Variants in CCDC50 observed in about 807,000 individuals in gnomAD.
The protein encoded by CCDC50 is coiled-coil domain containing 50.
A neutral mutation model predicts 70.2 loss-of-function variants in CCDC50; 54 were observed. The observed-to-expected ratio is 0.77, with a 90% CI of 0.62 to 0.96. The LOEUF (loss-of-function observed/expected upper bound fraction) is 0.96, where lower values mean the gene tolerates loss of function less well. Ranked by LOEUF, CCDC50 falls within the 50% of genes least tolerant of loss-of-function variation. CCDC50 has a pLI of 0.00. For missense variants in CCDC50, 558 were observed against 578.7 expected, an observed-to-expected ratio of 0.96 and a Z score of 0.37; for synonymous variants, 216 against 198.8, an observed-to-expected ratio of 1.09 and a Z score of -0.73.
chr3:191,340,176 G>A (rs1358823920), intron 1 of CCDC50, among the ~76,000 whole-genome samples: 3 of 152,178 alleles, frequency 2.0e-5, no homozygotes, highest in East Asian at 3.8e-4. Context: ...AGGACATGAG[G>A]CTCTGATTTG....
chr3:191,347,995 T>C lies in CCDC50; in HGVS notation c.50-9093T>C, dbSNP rs113336178. Among the ~76,000 whole-genome samples the C allele has an allele frequency of 6.1e-3, 868 of 142,648 alleles. 89 individuals carry two copies. The highest frequency in any genetic ancestry group is 0.02 in the African/African-American group (814 of 39,992). 93.6% of individuals were successfully genotyped at this position (142,648 alleles called of 152,430 possible). A position where few individuals can be genotyped will look rare whatever the true frequency, so the allele number is the denominator to read the frequency against. On this transcript the variant is annotated intron_variant, in intron 1 of 11. Coordinates refer to ENST00000392455, the MANE Select transcript of CCDC50 (RefSeq NM_178335.3). ...GAGATAAAATGATCCATAATATTTT[T>C]CTTGCCTTTCAGGATCTAGAATATA...
chr3:191,377,828 A>G (rs915104333), intron 6 of CCDC50, among the ~76,000 whole-genome samples: 1 of 152,146 alleles, frequency 6.6e-6, no homozygotes, highest in African/African-American at 2.4e-5. Flanking sequence ...AGAAAAAGAC[A>G]AGGAAATGTG....
In CCDC50 at chr3:191,370,038, T is replaced by C; in HGVS notation, c.448+2T>C. 7.0e-5 allele frequency: 97 copies of C among 1,393,128 alleles called. No individual in the cohort carries two copies. The highest frequency in any genetic ancestry group is 8.6e-5 in the Non-Finnish European group (84 of 979,452). The allele number at this position is 1,393,128 out of a possible 1,614,324, so 86.3% of individuals were successfully genotyped here. A position where few individuals can be genotyped will look rare whatever the true frequency, so the allele number is the denominator to read the frequency against. On this transcript the variant is annotated splice_donor_variant, in intron 5 of 11. Coordinates refer to ENST00000392455, the MANE Select transcript of CCDC50 (RefSeq NM_178335.3). LOFTEE classifies it high-confidence loss of function. ...ATAGTTACTATTATGAAGATGGAGGTAACAATTCCTGCATCATGATCTATT... is the reference window on the plus strand; with the variant it reads ...ATAGTTACTATTATGAAGATGGAGGCAACAATTCCTGCATCATGATCTATT...
chr3:191,334,825 C>T (rs1307841795), intron 1 of CCDC50, among the ~76,000 whole-genome samples: 1 of 152,020 alleles, frequency 6.6e-6, no homozygotes, highest in East Asian at 1.9e-4. Context: ...AAGGCTTTTT[C>T]TGAGGATAGT....
intron 1 of CCDC50, among the ~76,000 whole-genome samples, chr3:191,340,054 A>G (rs921586135): frequency 5.9e-5 from 9 of 152,256 alleles, no homozygotes; most frequent in African/African-American, 1.9e-4. Flanking sequence ...TAATACTTGT[A>G]TCCAAAAGAC....
At chr3:191,381,280 C>G (rs143135560) in intron 9 of CCDC50, among the ~76,000 whole-genome samples, 133 of 152,240 alleles carry the variant, frequency 8.7e-4, no homozygotes, top group Non-Finnish European at 1.4e-3. Flanking sequence ...CCACAATGAA[C>G]TTCTCTTCCC....
rs578078868 is a variant in CCDC50, at chr3:191,347,952, G to T, written c.50-9136G>T. Among the ~76,000 whole-genome samples the T allele has an allele frequency of 2.0e-4, 28 of 142,280 alleles. 4 individuals carry two copies. The South Asian group carries it at 5.5e-3, about 28-fold the overall frequency. 93.3% of individuals were successfully genotyped at this position (142,280 alleles called of 152,430 possible). A position where few individuals can be genotyped will look rare whatever the true frequency, so the allele number is the denominator to read the frequency against. ...ATTTATTTGAAAGTCACTATCCTGGGCACTGGGATAAATGTTGGAGATAAA... is the reference window on the plus strand; with the variant it reads ...ATTTATTTGAAAGTCACTATCCTGGTCACTGGGATAAATGTTGGAGATAAA... On this transcript the variant is annotated intron_variant, in intron 1 of 11. Transcript: ENST00000392455.
In CCDC50 at chr3:191,351,496, A is replaced by G. The variant is rs925050608; in HGVS notation, c.50-5592A>G. Among the ~76,000 whole-genome samples the G allele has an allele frequency of 2.1e-5, 3 of 141,526 alleles. No homozygotes were observed. In the Admixed American group the frequency reaches 2.2e-4, roughly 10 times the overall value. 92.8% of individuals were successfully genotyped at this position (141,526 alleles called of 152,430 possible). On this transcript the variant is annotated intron_variant, in intron 1 of 11. Transcript: ENST00000392455. Reference sequence around the variant, plus strand: ...AAGGAGAACAAGTAGTTCTGCTTCAAAGTTCATAGAATGCTCCTACAGTTA... The same window carrying G: ...AAGGAGAACAAGTAGTTCTGCTTCAGAGTTCATAGAATGCTCCTACAGTTA...
At chr3:191,344,570 CTTTT>C (rs1024689710) in intron 1 of CCDC50, among the ~76,000 whole-genome samples, 1 of 151,648 alleles carries the variant, frequency 6.6e-6, no homozygotes, top group African/African-American at 2.4e-5. Flanking sequence ...ATGTCATTTC[CTTTT>C]GTTTGTTTGT....
chr3:191,341,173 G>C (rs1023521438), intron 1 of CCDC50, among the ~76,000 whole-genome samples: 2 of 152,148 alleles, frequency 1.3e-5, no homozygotes, highest in Non-Finnish European at 2.9e-5. Flanking sequence ...CTAGATCTAT[G>C]TTAATCAGTG....
Position 191,396,743 on chromosome 3 carries a change from T to C in CCDC50, c.*4983T>C, listed in dbSNP as rs570825805. The C allele has an allele frequency of 5.9e-5, 9 of 152,298 alleles. No homozygotes were observed. Among genetic ancestry groups the C allele is most frequent in the South Asian group, 2.1e-4 (1 of 4,830 alleles). 9.4% of individuals were successfully genotyped at this position (152,298 alleles called of 1,614,324 possible). ...AAGAGTGTTTCTGTTTTATTACTTA[T>C]AAGAGAAAAGCAGGAAAACTTTTGC... On this transcript the variant is annotated 3_prime_UTR_variant, in exon 12 of 12. Transcript: ENST00000392455.
chr3:191,353,469 A>T (rs1712170269), intron 1 of CCDC50, among the ~76,000 whole-genome samples: 1 of 141,554 alleles, frequency 7.1e-6, no homozygotes, highest in Non-Finnish European at 1.6e-5. Flanking sequence ...AGATGAGTGT[A>T]TGCCGTTTAT....
rs35277025 is a variant in CCDC50, at chr3:191,384,710, G to GTT, written c.1322+1892_1322+1893dup. ...TTAGATTCTGGGGATACATGTGTAG[G>GTT]TTTTTTTTACAAGGGTATATTGTGT... On this transcript the variant is annotated intron_variant, in intron 10 of 11. Transcript: ENST00000392455. Among the ~76,000 whole-genome samples the GTT allele has an allele frequency of 1.6e-4, 24 of 151,756 alleles. No individual in the cohort carries two copies. In the South Asian group the frequency reaches 2.5e-3, roughly 16 times the overall value.
Position 191,352,024 on chromosome 3 carries a change from T to C in CCDC50, c.50-5064T>C, listed in dbSNP as rs754809671. ...TTAAGGTTTCTTGATACACGGTTTC[T>C]TGATACATTCTGTTTAAATCACCCC... On this transcript the variant is annotated intron_variant, in intron 1 of 11. Transcript: ENST00000392455. Among the ~76,000 whole-genome samples the C allele has an allele frequency of 2.5e-4, 36 of 142,656 alleles. 6 individuals carry two copies. Among genetic ancestry groups the C allele is most frequent in the Non-Finnish European group, 2.4e-4 (15 of 63,162 alleles). 93.6% of individuals were successfully genotyped at this position (142,656 alleles called of 152,430 possible).
chr3:191,345,831 G>A (rs935814451), intron 1 of CCDC50, among the ~76,000 whole-genome samples: 4 of 152,098 alleles, frequency 2.6e-5, no homozygotes, highest in Non-Finnish European at 2.9e-5. Context: ...ATGATTCTTC[G>A]CAGTGTGTTT....
At position 191,349,387 on chromosome 3, in the gene CCDC50, A is replaced by G. The variant is rs552430267; in HGVS notation, c.50-7701A>G. 4.6e-4 allele frequency among the ~76,000 whole-genome samples: 66 copies of G among 142,224 alleles called. 5 individuals carry two copies. The highest frequency in any genetic ancestry group is 1.6e-3 in the African/African-American group (65 of 39,904). The allele number at this position is 142,224 out of a possible 152,430, so 93.3% of individuals were successfully genotyped here. Reference sequence around the variant, plus strand: ...GTCATTAATATATCTTAGACACATGAGTCTAAAATTGAACAATATCTTCTC... The same window carrying G: ...GTCATTAATATATCTTAGACACATGGGTCTAAAATTGAACAATATCTTCTC... On this transcript the variant is annotated intron_variant, in intron 1 of 11. Coordinates refer to ENST00000392455, the MANE Select transcript of CCDC50 (RefSeq NM_178335.3).
intron 1 of CCDC50, among the ~76,000 whole-genome samples, chr3:191,335,948 A>G (rs1189095617): frequency 7.0e-6 from 1 of 142,746 alleles, no homozygotes; most frequent in Non-Finnish European, 1.5e-5. Flanking sequence ...CCCACCAGCC[A>G]CTGATTTGTT....
At chr3:191,384,126 G>A (rs16822368) in intron 10 of CCDC50, among the ~76,000 whole-genome samples, 9,018 of 152,112 alleles carry the variant, frequency 0.059, 478 homozygotes, top group East Asian at 0.25. Context: ...AGATACTTTA[G>A]AAATATTTGG....
At chr3:191,380,978 A>G (rs767283939) in intron 9 of CCDC50, 46 bp downstream of exon 9, 5 of 1,455,420 alleles carry the variant, frequency 3.4e-6, no homozygotes, top group South Asian at 1.2e-5. Context: ...AAAATTAGAA[A>G]TGAAAAGGGG....
Sources: allele counts gnomAD v4.1 joint callset (sites outside exome capture counted in the v4.1 genomes callset), GRCh38; gene constraint gnomAD v4.1.1; transcripts MANE v1.5; gene names NCBI Gene and HGNC (gene_info 2026-07-23, HGNC 2026-07-21).